Variants in CHRM2 observed in about 807,000 individuals in gnomAD.
CHRM2 encodes muscarinic acetylcholine receptor M2.
Under a neutral mutation model 25.0 loss-of-function variants are expected in CHRM2, and 8 were observed. That is an observed-to-expected ratio of 0.32 (90% CI 0.19 to 0.58). The LOEUF is 0.58. Ranked by LOEUF, CHRM2 falls within the 20% of genes least tolerant of loss-of-function variation. CHRM2 has a pLI of 0.88. For missense variants in CHRM2, 440 were observed against 567.1 expected (o/e 0.78, Z 2.28); for synonymous variants, 202 against 205.7 (o/e 0.98, Z 0.15).
intron 2 of CHRM2, among the ~76,000 whole-genome samples, chr7:136,880,650 A>G (rs1022459481): frequency 1.3e-4 from 19 of 151,784 alleles, no homozygotes; most frequent in Admixed American, 6.6e-4. Context: ...TTTATTTATT[A>G]GGCCAGTTTT....
chr7:136,974,161 C>G (rs1460247978), intron 2 of CHRM2, among the ~76,000 whole-genome samples: 1 of 152,104 alleles, frequency 6.6e-6, no homozygotes, highest in East Asian at 1.9e-4. Flanking sequence ...AAAGTACTTA[C>G]GATGCTTCTA....
At chr7:136,878,414 T>C (rs1278919848) in intron 2 of CHRM2, among the ~76,000 whole-genome samples, 6 of 151,986 alleles carry the variant, frequency 3.9e-5, no homozygotes. Context: ...GTAGATGATA[T>C]AGGTTTAATT....
At chr7:136,950,783 CTGTTGTTGTTGTTGTTGTTGTTGTTGT>C (rs200954535) in intron 2 of CHRM2, among the ~76,000 whole-genome samples, 1 of 149,678 alleles carries the variant, frequency 6.7e-6, no homozygotes, top group African/African-American at 2.4e-5. Flanking sequence ...AACCCCCAAC[CTGTTGTTGTTGTTGTTGTTGTTGTTGT>C]TGTTGTTGTT....
chr7:136,894,523 C>T (rs1750796184), intron 2 of CHRM2, among the ~76,000 whole-genome samples: 2 of 152,014 alleles, frequency 1.3e-5, no homozygotes, highest in Admixed American at 6.5e-5. Flanking sequence ...AGACACATGC[C>T]ACCACGCCTG....
At chr7:137,006,162 G>C (rs1480199677) in intron 3 of CHRM2, among the ~76,000 whole-genome samples, 1 of 152,104 alleles carries the variant, frequency 6.6e-6, no homozygotes, top group Non-Finnish European at 1.5e-5. Context: ...GAAAAAGGTG[G>C]ATGCAGAAGT....
chr7:136,900,833 C>T (rs572672895), intron 2 of CHRM2, among the ~76,000 whole-genome samples: 3 of 151,824 alleles, frequency 2.0e-5, no homozygotes, highest in African/African-American at 7.2e-5. Context: ...TGAAAAAGCC[C>T]CCAGACACAG....
chr7:137,015,079 A>T lies in CHRM2; in HGVS notation c.214A>T (p.Ile72Leu), dbSNP rs1805082208. The change falls in exon 4 of 4, where the codon ATA (isoleucine) becomes TTA (leucine). Residue 72 changes from isoleucine (I) to leucine (L), a missense_variant. This residue lies in a region of CHRM2 where 86 missense variants were observed against 124.9 expected (regional missense o/e 0.69). Transcript: ENST00000680005. The surrounding 1 kb of genome is among the most constrained non-coding windows in gnomAD (Gnocchi z 5.1). ...CAGCTTGGCCTGTGCTGACCTTATC[A>T]TAGGTGTTTTCTCCATGAACTTGTA... Reference protein sequence around the residue: ...LFSLACADLIIGVFSMNLYTL... With the variant: ...LFSLACADLILGVFSMNLYTL... 1 of 1,613,342 alleles carries T rather than the reference A, an allele frequency of 6.2e-7. No homozygotes were observed. The highest frequency in any genetic ancestry group is 8.5e-7 in the Non-Finnish European group (1 of 1,179,644).
At chr7:136,933,689 T>A (rs545816343) in intron 2 of CHRM2, among the ~76,000 whole-genome samples, 1 of 152,002 alleles carries the variant, frequency 6.6e-6, no homozygotes, top group Non-Finnish European at 1.5e-5. Flanking sequence ...AACTGATGAA[T>A]AGATAAACAA....
intron 2 of CHRM2, among the ~76,000 whole-genome samples, chr7:136,952,552 C>T (rs1800476971): frequency 6.7e-6 from 1 of 149,062 alleles, no homozygotes; most frequent in Non-Finnish European, 1.5e-5. Context: ...CTTTAGGAAA[C>T]TGCCTCTCAG....
In CHRM2 at chr7:136,992,263, T is replaced by C. The variant is rs1300851768; in HGVS notation, c.-48T>C. On this transcript the variant is annotated splice_region_variant and 5_prime_UTR_variant, in exon 3 of 4. The change abolishes the stop of an existing upstream ORF in the 5' untranslated region. Coordinates refer to ENST00000680005, the MANE Select transcript of CHRM2 (RefSeq NM_001006630.2). ...TTCTCAGCACCCAATGCCTGGCATA[T>C]AGTAAGTGCTCAATAAATTTTTAAT... is the stretch of plus-strand genomic sequence containing the variant. The C allele has an allele frequency of 6.6e-6, 1 of 152,300 alleles. No individual in the cohort carries two copies. The highest frequency in any genetic ancestry group is 2.4e-5 in the African/African-American group (1 of 41,578). 9.4% of individuals were successfully genotyped at this position (152,300 alleles called of 1,614,324 possible). A position where few individuals can be genotyped will look rare whatever the true frequency, so the allele number is the denominator to read the frequency against.
At chr7:136,903,192 T>TGA (rs767084246) in intron 2 of CHRM2, 26 of 534,190 alleles carry the variant, frequency 4.9e-5, no homozygotes, top group Non-Finnish European at 2.3e-5. Context: ...TTTGGAAAGT[T>TGA]CATTGTTCGA....
At chr7:136,917,620 C>T (rs1798195638) in intron 2 of CHRM2, among the ~76,000 whole-genome samples, 1 of 152,042 alleles carries the variant, frequency 6.6e-6, no homozygotes, top group Admixed American at 6.6e-5. Flanking sequence ...CGGATTGCTG[C>T]CAGCTTTCAC....
chr7:136,967,396 G>T (rs761529325), intron 2 of CHRM2, among the ~76,000 whole-genome samples: 2 of 151,988 alleles, frequency 1.3e-5, no homozygotes, highest in East Asian at 3.9e-4. Context: ...GAGAGAAAAT[G>T]AATGTTACTG....
chr7:136,938,467 C>A (rs36210734), intron 2 of CHRM2: 112,035 of 1,148,620 alleles, frequency 0.098, 7,694 homozygotes, highest in African/African-American at 0.3. Flanking sequence ...CCCCTGGATG[C>A]GCACGGCCTG....
chr7:136,977,793 A>G (rs752718101), intron 2 of CHRM2, among the ~76,000 whole-genome samples: 12 of 152,182 alleles, frequency 7.9e-5, no homozygotes, highest in Non-Finnish European at 1.3e-4. Flanking sequence ...TTGGGGACCT[A>G]CCCATAAATT....
chr7:136,942,207 T>C (rs1799813423), intron 2 of CHRM2, among the ~76,000 whole-genome samples: 1 of 152,184 alleles, frequency 6.6e-6, no homozygotes, highest in African/African-American at 2.4e-5. Flanking sequence ...TGTTTTTCTT[T>C]CGTTGGGAAC....
Position 137,015,890 on chromosome 7 carries a change from C to A in CHRM2, c.1025C>A (p.Thr342Asn), listed in dbSNP as rs1455679341. 1 of 1,613,134 alleles carries A rather than the reference C, an allele frequency of 6.2e-7. No homozygotes were observed. The highest frequency in any genetic ancestry group is 8.5e-7 in the Non-Finnish European group (1 of 1,179,460). The change falls in exon 4 of 4, where the codon ACC becomes AAC. Residue 342 changes from threonine to asparagine, a missense_variant. By Grantham distance (65) the Thr-to-Asn change is moderately conservative. Coordinates refer to ENST00000680005, the MANE Select transcript of CHRM2 (RefSeq NM_001006630.2). The surrounding 1 kb of genome is among the most constrained non-coding windows in gnomAD (Gnocchi z 5.1). ...PKSDSCTPTNTTVEVVGSSGQ... is the reference protein window; with the variant it reads ...PKSDSCTPTNNTVEVVGSSGQ... ...AGTGACTCATGTACCCCAACTAATA[C>A]CACCGTGGAGGTAGTGGGGTCTTCA...
chr7:136,879,334 C>T (rs1796169588), intron 2 of CHRM2, among the ~76,000 whole-genome samples: 1 of 151,922 alleles, frequency 6.6e-6, no homozygotes, highest in Non-Finnish European at 1.5e-5. Flanking sequence ...AAAACAATTG[C>T]CATTACTTAA....
intron 2 of CHRM2, among the ~76,000 whole-genome samples, chr7:136,959,645 G>A (rs555840065): frequency 2.0e-5 from 3 of 152,278 alleles, no homozygotes; most frequent in South Asian, 2.1e-4. Context: ...GGCCACGGTG[G>A]CTCACACCTG....
Sources: gnomAD v4.1 joint callset for allele counts (sites outside exome capture counted in the v4.1 genomes callset) on GRCh38, gnomAD v4.1.1 for gene constraint, gnomAD v4.1.1 regional missense constraint, Gnocchi (gnomAD v3.1) non-coding constraint, MANE v1.5 for transcripts, NCBI Gene and HGNC (gene_info 2026-07-23, HGNC 2026-07-21) for gene names.